Variants in EIF2S1 observed in about 807,000 individuals in gnomAD.
EIF2S1 encodes the protein eukaryotic translation initiation factor 2 subunit 1.
EIF2S1 carries 5 observed loss-of-function variants against 33.5 expected under a neutral mutation model. That is an observed-to-expected ratio of 0.15 (90% confidence interval 0.08 to 0.31). The LOEUF (loss-of-function observed/expected upper bound fraction) is 0.31, where lower values mean the gene tolerates loss of function less well. Among genes scored for constraint, EIF2S1 ranks in the 10% least tolerant of loss-of-function variants. EIF2S1 has a pLI of 1.00. For synonymous variants in EIF2S1, 99 were observed against 127.5 expected, an observed-to-expected ratio of 0.78 and a Z score of 1.51; for missense variants, 191 against 384.6, an observed-to-expected ratio of 0.50 and a Z score of 4.21.
chr14:67,370,467 T>G (rs1320214309), intron 2 of EIF2S1, among the ~76,000 whole-genome samples: 1 of 152,156 alleles, frequency 6.6e-6, no homozygotes, highest in Non-Finnish European at 1.5e-5. Flanking sequence ...GATAAACCCC[T>G]AGTTAGGCTG....
At chr14:67,373,764 CAAG>C (rs1225492209) in intron 2 of EIF2S1, among the ~76,000 whole-genome samples, 1 of 151,930 alleles carries the variant, frequency 6.6e-6, no homozygotes, top group East Asian at 1.9e-4. Context: ...TGTGAGGGTT[CAAG>C]AAGATGTTTA....
chr14:67,373,605 T>C (rs960188330), intron 2 of EIF2S1, among the ~76,000 whole-genome samples: 3 of 152,220 alleles, frequency 2.0e-5, no homozygotes, highest in Non-Finnish European at 4.4e-5. Context: ...CTGGAAGTCA[T>C]TGCCAGGCAC....
At chr14:67,380,242 C>T (rs935900290) in intron 4 of EIF2S1, among the ~76,000 whole-genome samples, 3 of 152,172 alleles carry the variant, frequency 2.0e-5, no homozygotes, top group African/African-American at 7.2e-5. Flanking sequence ...TGCATGAAGC[C>T]CTTCCTGACC....
At chr14:67,366,804 T>C (rs1258010721) in intron 2 of EIF2S1, among the ~76,000 whole-genome samples, 1 of 149,372 alleles carries the variant, frequency 6.7e-6, no homozygotes, top group Non-Finnish European at 1.5e-5. Context: ...CAGGCCAAAA[T>C]TGAAAATTTG....
chr14:67,379,648 C>CTTTTACTTTT (rs2085875340), intron 4 of EIF2S1, among the ~76,000 whole-genome samples: 1 of 135,324 alleles, frequency 7.4e-6, no homozygotes, highest in African/African-American at 3.1e-5. Flanking sequence ...TTCTTTTTTT[C>CTTTTACTTTT]TTTTTCTTTT....
intron 2 of EIF2S1, among the ~76,000 whole-genome samples, chr14:67,373,593 T>C (rs2085838728): frequency 6.6e-6 from 1 of 152,248 alleles, no homozygotes; most frequent in South Asian, 2.1e-4. Flanking sequence ...CTCAGCATTG[T>C]ACTGGAAGTC....
At chr14:67,363,187 A>G (rs1200741998) in intron 1 of EIF2S1, among the ~76,000 whole-genome samples, 2 of 151,856 alleles carry the variant, frequency 1.3e-5, no homozygotes, top group East Asian at 3.9e-4. Context: ...ACATACACAT[A>G]TTCAACAACA....
intron 5 of EIF2S1, among the ~76,000 whole-genome samples, 198 bp downstream of exon 5, chr14:67,380,963 G>A (rs2085884715): frequency 1.3e-5 from 2 of 152,106 alleles, no homozygotes; most frequent in African/African-American, 4.8e-5. Flanking sequence ...AGTAGAAACA[G>A]TCTTGTGAGT....
Position 67,376,509 on chromosome 14 carries a change from T to G in EIF2S1, c.392T>G (p.Phe131Cys). ...AAGGATGAGCAGCTGGAAAGCCTAT[T>G]CCAGAGGACTGCCTGGGTCTTTGAT... is the stretch of plus-strand genomic sequence containing the variant. ...YTKDEQLESL[F>C]QRTAWVFDDK... is the part of the protein sequence containing the mutation. The change falls in exon 4 of 8, where the codon TTC becomes TGC. Residue 131 changes from phenylalanine to cysteine, a missense_variant. By Grantham distance (205) the Phe-to-Cys change is radical. Transcript: ENST00000256383. 6.2e-7 allele frequency: 1 copy of G among 1,614,156 alleles called. No individual in the cohort carries two copies. The highest frequency in any genetic ancestry group is 8.5e-7 in the Non-Finnish European group (1 of 1,180,008).
intron 2 of EIF2S1, 56 bp from the exon 3 acceptor site, chr14:67,374,412 A>G: frequency 9.3e-7 from 1 of 1,074,854 alleles, no homozygotes; most frequent in Non-Finnish European, 1.3e-6. Context: ...AAAGCTGGTT[A>G]CAATAGTACA....
chr14:67,371,352 T>G (rs981424154), intron 2 of EIF2S1, among the ~76,000 whole-genome samples: 3 of 151,756 alleles, frequency 2.0e-5, no homozygotes, highest in East Asian at 3.9e-4. Context: ...CCCAGGAGTT[T>G]GAGGCTGTAG....
At chr14:67,379,903 C>T (rs1291467154) in intron 4 of EIF2S1, among the ~76,000 whole-genome samples, 1 of 151,938 alleles carries the variant, frequency 6.6e-6, no homozygotes, top group Non-Finnish European at 1.5e-5. Context: ...ATCCGCCCGC[C>T]TCGGCCTCCC....
intron 1 of EIF2S1, 161 bp from the exon 2 acceptor site, chr14:67,364,605 TG>T: frequency 1.5e-6 from 1 of 647,748 alleles, no homozygotes; most frequent in Non-Finnish European, 2.5e-6. Context: ...GAACATTATC[TG>T]TTTTCTGGTA....
At chr14:67,382,369 T>G in intron 6 of EIF2S1, 78 bp from the exon 7 acceptor site, 1 of 1,345,214 alleles carries the variant, frequency 7.4e-7, no homozygotes, top group Non-Finnish European at 1.0e-6. Context: ...TACAGCAGAT[T>G]AATAAAATCT....
chr14:67,376,716 T>G, intron 4 of EIF2S1, 126 bp downstream of exon 4: 1 of 937,374 alleles, frequency 1.1e-6, no homozygotes, highest in Non-Finnish European at 1.6e-6. Context: ...TATTGGCCAG[T>G]AAATGGGCCA....
At chr14:67,381,762 C>CTT in intron 6 of EIF2S1, 72 bp downstream of exon 6, 225 of 824,346 alleles carry the variant, frequency 2.7e-4, no homozygotes, top group South Asian at 3.5e-4. Flanking sequence ...ATCTTTGTTT[C>CTT]TTTTTTTTTT....
chr14:67,374,841 T>G (rs1483137137), intron 3 of EIF2S1, among the ~76,000 whole-genome samples: 1 of 152,208 alleles, frequency 6.6e-6, no homozygotes, highest in African/African-American at 2.4e-5. Flanking sequence ...GAGCTTCAAG[T>G]GATCCTTGAG....
intron 1 of EIF2S1, 50 bp downstream of exon 1, chr14:67,360,506 C>T (rs1360902926): frequency 3.2e-6 from 1 of 316,114 alleles, no homozygotes; most frequent in African/African-American, 2.1e-5. Context: ...TGGTTTGTGT[C>T]CAGTGACATG....
Position 67,376,730 on chromosome 14 carries a change from C to G in EIF2S1, c.473+140C>G. ...GTATTGGCCAGTAAATGGGCCAATC[C>G]TATATGGTCAAGTCTGTGTAGTTTT... On this transcript the variant is annotated intron_variant, in intron 4 of 7. Transcript: ENST00000256383. 1.3e-5 allele frequency: 10 copies of G among 781,160 alleles called. 1 individual carries two copies. In the South Asian group the frequency reaches 1.7e-4, roughly 13 times the overall value. 48.4% of individuals were successfully genotyped at this position (781,160 alleles called of 1,614,324 possible).
Sources: allele counts gnomAD v4.1 joint callset (sites outside exome capture counted in the v4.1 genomes callset), GRCh38; gene constraint gnomAD v4.1.1; transcripts MANE v1.5; gene names NCBI Gene and HGNC (gene_info 2026-07-23, HGNC 2026-07-21).